The following TRPM3 variants were observed in gnomAD, a reference collection of about 807,000 sequenced individuals.
The protein encoded by TRPM3 is transient receptor potential cation channel subfamily M member 3.
TRPM3 carries 77 observed loss-of-function variants against 181.2 expected under a neutral mutation model. That is an observed-to-expected ratio of 0.42 (90% CI 0.35 to 0.51). The LOEUF is 0.51. TRPM3 is among the 20% of genes least tolerant of loss of function. The probability of loss-of-function intolerance (pLI) is 0.01; values close to 1 mark genes in which losing one functional copy is unlikely to be tolerated. For synonymous variants in TRPM3, 745 were observed against 796.4 expected (o/e 0.94, Z 1.09); for missense variants, 1,759 against 2,196.7 (o/e 0.80, Z 3.98).
At chr9:71,415,373 A>G (rs544995408) in intron 1 of TRPM3, among the ~76,000 whole-genome samples, 1 of 152,238 alleles carries the variant, frequency 6.6e-6, no homozygotes, top group African/African-American at 2.4e-5. Flanking sequence ...CAATACTGTC[A>G]TGATTAGATG....
chr9:70,925,678 T>C (rs2096714097), intron 1 of TRPM3, among the ~76,000 whole-genome samples: 1 of 152,042 alleles, frequency 6.6e-6, no homozygotes, highest in South Asian at 2.1e-4. Context: ...AATCTTTATA[T>C]ATATATGCTG....
intron 1 of TRPM3, among the ~76,000 whole-genome samples, chr9:71,000,146 T>C (rs1230976186): frequency 6.6e-6 from 1 of 152,198 alleles, no homozygotes; most frequent in Non-Finnish European, 1.5e-5. Context: ...CAGCATAATG[T>C]ATCCCATTGG....
intron 6 of TRPM3, among the ~76,000 whole-genome samples, chr9:70,786,330 A>AAAAAAAAAAAAAAAAAAAAAAAG (rs2083600300): frequency 6.8e-6 from 1 of 147,666 alleles, no homozygotes; most frequent in Non-Finnish European, 1.5e-5. Flanking sequence ...AAAAAAAAAA[A>AAAAAAAAAAAAAAAAAAAAAAAG]AAAAATTAGC....
At chr9:70,673,373 A>C (rs760519372) in intron 9 of TRPM3, among the ~76,000 whole-genome samples, 3 of 152,084 alleles carry the variant, frequency 2.0e-5, no homozygotes, top group Non-Finnish European at 4.4e-5. Flanking sequence ...CTTGATCTGC[A>C]AGTCAGAAGA....
intron 1 of TRPM3, among the ~76,000 whole-genome samples, chr9:71,203,158 G>C (rs1044375670): frequency 6.6e-6 from 1 of 152,114 alleles, no homozygotes; most frequent in Non-Finnish European, 1.5e-5. Flanking sequence ...ACTGTCTAAG[G>C]GAGATCTAGT....
At chr9:71,139,788 A>G (rs945851205) in intron 1 of TRPM3, among the ~76,000 whole-genome samples, 5 of 152,164 alleles carry the variant, frequency 3.3e-5, no homozygotes, top group African/African-American at 9.6e-5. Flanking sequence ...TACCTAACTG[A>G]CATTCTCAAC....
At chr9:71,325,733 C>T (rs2089632583) in intron 1 of TRPM3, among the ~76,000 whole-genome samples, 1 of 152,010 alleles carries the variant, frequency 6.6e-6, no homozygotes. Context: ...ACAATATTCT[C>T]CCTCTCATTC....
At chr9:71,252,040 CT>C (rs1419169046) in intron 1 of TRPM3, among the ~76,000 whole-genome samples, 26 of 152,070 alleles carry the variant, frequency 1.7e-4, no homozygotes, top group Non-Finnish European at 3.2e-4. Flanking sequence ...AGATCTCATT[CT>C]TTTTTATGGC....
intron 1 of TRPM3, among the ~76,000 whole-genome samples, chr9:71,204,151 G>A (rs1587939455): frequency 6.6e-6 from 1 of 150,876 alleles, no homozygotes; most frequent in African/African-American, 2.4e-5. Flanking sequence ...CATAGGCATG[G>A]GCAAGGACTT....
At chr9:71,427,907 C>A (rs2131590474) in intron 1 of TRPM3, among the ~76,000 whole-genome samples, 1 of 152,052 alleles carries the variant, frequency 6.6e-6, no homozygotes, top group South Asian at 2.1e-4. Flanking sequence ...CCCCCTGGAT[C>A]TGAAATAAAA....
In TRPM3 at chr9:71,386,307, G is replaced by A. The variant is rs571251285; in HGVS notation, c.183+60346C>T. On this transcript the variant is annotated intron_variant, in intron 1 of 24. Transcript: ENST00000357533. ...CTACTAAAATACAAAAAATTAGCCC[G>A]GTGTGGCGGTGCACGCGTGTAGTCC... Among the ~76,000 whole-genome samples the A allele has an allele frequency of 3.9e-4, 59 of 151,994 alleles. No homozygotes were observed. The East Asian group carries it at 9.0e-3, about 23-fold the overall frequency.
intron 1 of TRPM3, among the ~76,000 whole-genome samples, chr9:71,199,196 G>C (rs1056217093): frequency 6.6e-6 from 1 of 151,114 alleles, no homozygotes; most frequent in African/African-American, 2.4e-5. Context: ...CGTATATTGA[G>C]CCAGCCTTGC....
chr9:70,666,229 T>A (rs956717536), intron 9 of TRPM3, among the ~76,000 whole-genome samples: 2 of 152,258 alleles, frequency 1.3e-5, no homozygotes, highest in African/African-American at 4.8e-5. Context: ...TAGCAAGGTC[T>A]GCCAGCTCTT....
chr9:71,328,336 T>G (rs2089860930), intron 1 of TRPM3, among the ~76,000 whole-genome samples: 1 of 152,080 alleles, frequency 6.6e-6, no homozygotes, highest in East Asian at 1.9e-4. Flanking sequence ...GCTAATTTTT[T>G]GTATTTTTTT....
chr9:71,432,800 C>A (rs2093978063), intron 1 of TRPM3, among the ~76,000 whole-genome samples: 1 of 152,122 alleles, frequency 6.6e-6, no homozygotes, highest in African/African-American at 2.4e-5. Flanking sequence ...CCACTCTGGG[C>A]AATGTGTTGG....
chr9:71,064,433 T>A (rs2061672786), intron 1 of TRPM3, among the ~76,000 whole-genome samples: 1 of 151,982 alleles, frequency 6.6e-6, no homozygotes, highest in South Asian at 2.1e-4. Context: ...TTTTTTTTTT[T>A]TTAGCCACAG....
At chr9:71,236,785 G>A (rs970460046) in intron 1 of TRPM3, among the ~76,000 whole-genome samples, 2 of 152,146 alleles carry the variant, frequency 1.3e-5, no homozygotes, top group Middle Eastern at 3.2e-3. Flanking sequence ...AGTGGCTCAC[G>A]CCTGTAATCC....
At chr9:71,224,509 A>G (rs1322547814) in intron 1 of TRPM3, among the ~76,000 whole-genome samples, 4 of 152,216 alleles carry the variant, frequency 2.6e-5, no homozygotes, top group Non-Finnish European at 4.4e-5. Flanking sequence ...GAACATCCAT[A>G]AGCATTAAAA....
intron 1 of TRPM3, among the ~76,000 whole-genome samples, chr9:71,104,114 C>T (rs934879340): frequency 2.0e-5 from 3 of 152,084 alleles, no homozygotes; most frequent in African/African-American, 7.2e-5. Context: ...TGGGGCTTCA[C>T]CATGTTGGCC....
Sources: allele counts gnomAD v4.1 joint callset (sites outside exome capture counted in the v4.1 genomes callset), GRCh38; gene constraint gnomAD v4.1.1; transcripts MANE v1.5; gene names NCBI Gene and HGNC (gene_info 2026-07-23, HGNC 2026-07-21).